The following DNAH7 variants were observed in gnomAD, a reference collection of about 807,000 sequenced individuals.
DNAH7 encodes axonemal beta dynein heavy chain 7.
In DNAH7, 397 loss-of-function variants were observed where a neutral mutation model predicts 444.6. That is an observed-to-expected ratio of 0.89 (90% CI 0.82 to 0.97). The LOEUF (loss-of-function observed/expected upper bound fraction) is 0.97. Ranked by LOEUF, DNAH7 falls within the 50% of genes least tolerant of loss-of-function variation. The pLI is 0.00. For synonymous variants in DNAH7, 1,636 were observed against 1,624.4 expected (o/e 1.01, Z -0.17); for missense variants, 4,902 against 4,800.8 (o/e 1.02, Z -0.62).
At chr2:196,054,392 G>A (rs1404178103) in intron 2 of DNAH7, among the ~76,000 whole-genome samples, 1 of 151,938 alleles carries the variant, frequency 6.6e-6, no homozygotes. Context: ...TGGGTATGGT[G>A]GTGCCTGTGG....
chr2:196,024,107 G>T (rs1202090291), intron 8 of DNAH7, among the ~76,000 whole-genome samples: 2 of 152,084 alleles, frequency 1.3e-5, no homozygotes, highest in African/African-American at 2.4e-5. Flanking sequence ...TTAAAATATT[G>T]TGAGAATTAC....
chr2:195,808,195 CTG>C (rs1356858517), intron 53 of DNAH7, among the ~76,000 whole-genome samples: 4 of 152,186 alleles, frequency 2.6e-5, no homozygotes, highest in African/African-American at 4.8e-5. Context: ...AGATGGGAAA[CTG>C]TGAATATTAT....
intron 17 of DNAH7, among the ~76,000 whole-genome samples, chr2:195,967,991 C>T (rs1345529137): frequency 1.3e-5 from 2 of 152,218 alleles, no homozygotes; most frequent in Non-Finnish European, 2.9e-5. Context: ...CTGCTGCTGC[C>T]ACCACTGGCC....
intron 15 of DNAH7, among the ~76,000 whole-genome samples, chr2:195,983,481 G>A (rs559785647): frequency 9.2e-5 from 14 of 152,206 alleles, no homozygotes; most frequent in African/African-American, 3.4e-4. Flanking sequence ...GAAGAGAAAG[G>A]AGGGGGTGCC....
At chr2:196,044,491 T>G (rs1696978675) in intron 5 of DNAH7, among the ~76,000 whole-genome samples, 1 of 152,014 alleles carries the variant, frequency 6.6e-6, no homozygotes, top group African/African-American at 2.4e-5. Flanking sequence ...TTGGGTACAG[T>G]GTACACTGTT....
intron 58 of DNAH7, among the ~76,000 whole-genome samples, chr2:195,786,297 C>A (rs1207455181): frequency 2.6e-5 from 4 of 152,128 alleles, no homozygotes; most frequent in African/African-American, 9.7e-5. Flanking sequence ...TAAATTTGAA[C>A]AAAATTGTCA....
intron 49 of DNAH7, among the ~76,000 whole-genome samples, chr2:195,821,502 T>C (rs1259754172): frequency 6.6e-6 from 1 of 152,198 alleles, no homozygotes; most frequent in African/African-American, 2.4e-5. Flanking sequence ...ACATAAGCCA[T>C]GTCTGTGTCC....
chr2:195,927,074 T>C lies in DNAH7; in HGVS notation c.3472-508A>G, dbSNP rs529014933. The stretch of plus-strand genomic sequence containing the variant: ...CAGGCCTCACTCCCTCTCAATCCTG[T>C]AGTTTGAAGCCCAAAGCAATGATGA... On this transcript the variant is annotated intron_variant, in intron 21 of 64. Coordinates refer to ENST00000312428, the MANE Select transcript of DNAH7 (RefSeq NM_018897.3). 1.2e-3 allele frequency among the ~76,000 whole-genome samples: 179 copies of C among 152,270 alleles called. 2 individuals carry two copies. Among genetic ancestry groups the C allele is most frequent in the African/African-American group, 4.1e-3 (171 of 41,566 alleles).
intron 12 of DNAH7, among the ~76,000 whole-genome samples, chr2:195,998,391 C>G (rs533859093): frequency 6.6e-6 from 1 of 152,056 alleles, no homozygotes; most frequent in South Asian, 2.1e-4. Context: ...TTGGCTAAGA[C>G]GTTGAAACCC....
intron 49 of DNAH7, among the ~76,000 whole-genome samples, chr2:195,821,360 T>C (rs1194952657): frequency 1.3e-5 from 2 of 152,238 alleles, no homozygotes; most frequent in African/African-American, 2.4e-5. Context: ...TTGGTTTTTG[T>C]CTTTTCATCT....
rs1241104312 is a variant in DNAH7 at position 195,960,501 on chromosome 2, A to G, written c.2650T>C (p.Tyr884His). ...SSFLDMNLEP[Y>H]IDRFEGISEA... ...CTAATACCTTCAAATCGGTCTATAT[A>G]TGGTTCCAGATTCATGTCTAAAAAA... Residue 884 changes from tyrosine (Y) to histidine (H), a missense_variant, in exon 18 of 65, where the codon TAT becomes CAT. Physicochemically the swap from Tyr to His is moderately conservative, Grantham distance 83 (BLOSUM62 2). Coordinates refer to ENST00000312428, the MANE Select transcript of DNAH7 (RefSeq NM_018897.3). 3 of 1,614,064 alleles carry G rather than the reference A, an allele frequency of 1.9e-6. No homozygotes were observed. The highest frequency in any genetic ancestry group is 1.7e-5 in the Admixed American group (1 of 60,004).
intron 48 of DNAH7, among the ~76,000 whole-genome samples, chr2:195,831,167 C>T (rs1217142389): frequency 6.6e-6 from 1 of 152,196 alleles, no homozygotes; most frequent in East Asian, 1.9e-4. Context: ...ATTGATTTAT[C>T]AGCAATATTT....
At chr2:195,888,464 G>A in intron 32 of DNAH7, 30 bp from the exon 33 acceptor site, 1 of 1,555,712 alleles carries the variant, frequency 6.4e-7, no homozygotes, top group Non-Finnish European at 8.6e-7. Context: ...TACCATCAAG[G>A]TAATAATGCT....
chr2:195,939,195 T>C (rs537452490), intron 19 of DNAH7, among the ~76,000 whole-genome samples: 8 of 152,136 alleles, frequency 5.3e-5, no homozygotes, highest in African/African-American at 9.6e-5. Context: ...CACCCCAAAA[T>C]TGTCTGTTAG....
intron 54 of DNAH7, 98 bp downstream of exon 54, chr2:195,806,642 T>C (rs1241438330): frequency 2.1e-6 from 2 of 944,228 alleles, no homozygotes; most frequent in East Asian, 5.4e-5. Flanking sequence ...CAGGCTCCTC[T>C]ACCTCCCCCA....
intron 27 of DNAH7, chr2:195,902,202 G>A (rs1686752995): frequency 6.6e-6 from 1 of 151,964 alleles, no homozygotes; most frequent in African/African-American, 2.4e-5. Context: ...ACAATTCGAA[G>A]ATTTGTATCA....
At chr2:195,814,205 T>G (rs897833294) in intron 51 of DNAH7, among the ~76,000 whole-genome samples, 6 of 152,256 alleles carry the variant, frequency 3.9e-5, no homozygotes, top group Admixed American at 3.9e-4. Flanking sequence ...ATAACTTCAA[T>G]AAAAGTTTTA....
intron 10 of DNAH7, among the ~76,000 whole-genome samples, chr2:196,003,030 G>A (rs899044521): frequency 4.7e-5 from 7 of 150,494 alleles, no homozygotes; most frequent in Admixed American, 1.3e-4. Flanking sequence ...AAAAAAAGAT[G>A]GTATCATCAT....
chr2:196,002,101 AC>A (rs1694072239), intron 10 of DNAH7, among the ~76,000 whole-genome samples: 1 of 152,242 alleles, frequency 6.6e-6, no homozygotes, highest in Non-Finnish European at 1.5e-5. Context: ...CATAATTCTA[AC>A]TCCTGGAACT....
Sources: gnomAD v4.1 joint callset for allele counts (sites outside exome capture counted in the v4.1 genomes callset) on GRCh38, gnomAD v4.1.1 for gene constraint, MANE v1.5 for transcripts, NCBI Gene and HGNC (gene_info 2026-07-23, HGNC 2026-07-21) for gene names.